Variants in IMMP2L observed in about 807,000 individuals in gnomAD.
The protein encoded by IMMP2L is inner mitochondrial membrane peptidase subunit 2.
In IMMP2L, 18 loss-of-function variants were observed where a neutral mutation model predicts 19.3. The ratio of observed to expected loss-of-function variants is 0.93; its 90% CI spans 0.64 to 1.38. The LOEUF (loss-of-function observed/expected upper bound fraction) is 1.38, where lower values mean the gene tolerates loss of function less well. Ranked by LOEUF, IMMP2L falls within the 40% of genes most tolerant of loss-of-function variation. The pLI is 0.00. For missense variants in IMMP2L, 233 were observed against 218.2 expected, an observed-to-expected ratio of 1.07 and a Z score of -0.43; for synonymous variants, 76 against 73.0, an observed-to-expected ratio of 1.04 and a Z score of -0.21.
At chr7:110,762,630 G>T (rs1376996499) in intron 5 of IMMP2L, among the ~76,000 whole-genome samples, 2 of 151,966 alleles carry the variant, frequency 1.3e-5, no homozygotes, top group Non-Finnish European at 2.9e-5. Context: ...AAGTAGCTTT[G>T]TCTGGGAGGG....
At chr7:110,903,328 T>C (rs1812104414) in intron 4 of IMMP2L, among the ~76,000 whole-genome samples, 1 of 152,204 alleles carries the variant, frequency 6.6e-6, no homozygotes, top group East Asian at 1.9e-4. Context: ...ATAGGTACAA[T>C]GTTATATGTC....
At chr7:110,985,016 A>G (rs1027319781) in intron 3 of IMMP2L, among the ~76,000 whole-genome samples, 3 of 152,106 alleles carry the variant, frequency 2.0e-5, no homozygotes, top group Admixed American at 1.3e-4. Context: ...AGAGTCAGAG[A>G]AAAAGATGAG....
chr7:111,434,213 A>G (rs1836905934), intron 3 of IMMP2L, among the ~76,000 whole-genome samples: 1 of 151,790 alleles, frequency 6.6e-6, no homozygotes, highest in South Asian at 2.1e-4. Context: ...TTTAATACAT[A>G]GTGCTGTGAA....
At chr7:111,230,066 G>A (rs1813554465) in intron 3 of IMMP2L, among the ~76,000 whole-genome samples, 1 of 152,028 alleles carries the variant, frequency 6.6e-6, no homozygotes, top group Admixed American at 6.6e-5. Context: ...TATAACCACA[G>A]AAGATCTCTT....
intron 5 of IMMP2L, among the ~76,000 whole-genome samples, chr7:110,703,976 G>C (rs112721398): frequency 0.057 from 8,718 of 151,842 alleles, 371 homozygotes; most frequent in African/African-American, 0.11. Context: ...CTCCCGAGTA[G>C]CTGGGACTAC....
chr7:110,742,612 C>G (rs1797057475), intron 5 of IMMP2L, among the ~76,000 whole-genome samples: 1 of 151,690 alleles, frequency 6.6e-6, no homozygotes, highest in African/African-American at 2.4e-5. Flanking sequence ...ACTAAAAATA[C>G]AAAAAATTGG....
At chr7:110,820,786 G>C (rs748101760) in intron 5 of IMMP2L, among the ~76,000 whole-genome samples, 1 of 152,004 alleles carries the variant, frequency 6.6e-6, no homozygotes, top group Non-Finnish European at 1.5e-5. Context: ...GGGGTGGTAG[G>C]AAGTACACCG....
At chr7:111,111,630 G>A (rs946396461) in intron 3 of IMMP2L, among the ~76,000 whole-genome samples, 5 of 151,826 alleles carry the variant, frequency 3.3e-5, no homozygotes, top group Admixed American at 2.6e-4. Flanking sequence ...AAGCTCTTAC[G>A]AACAGAAATA....
In IMMP2L at chr7:110,768,133, T is replaced by A. The variant is rs765064998; in HGVS notation, c.409-104412A>T. Among the ~76,000 whole-genome samples the A allele has an allele frequency of 4.4e-4, 67 of 152,106 alleles. 1 individual carries two copies. In the Middle Eastern group the frequency reaches 0.01, roughly 23 times the overall value. ...ATAAGAGAGCTTTACAGAAAGTGAC[T>A]TGGGATGCTGCTTTAATTCTACAGT... On this transcript the variant is annotated intron_variant, in intron 5 of 5. Coordinates refer to ENST00000405709, the MANE Select transcript of IMMP2L (RefSeq NM_032549.4).
At chr7:111,099,957 C>G (rs180785413) in intron 3 of IMMP2L, 1 of 151,518 alleles carries the variant, frequency 6.6e-6, no homozygotes, top group Non-Finnish European at 1.5e-5. Context: ...ACAGCCCGGA[C>G]CCTGGGTAAG....
intron 3 of IMMP2L, among the ~76,000 whole-genome samples, chr7:111,192,815 T>C (rs539973586): frequency 6.6e-6 from 1 of 152,182 alleles, no homozygotes; most frequent in Admixed American, 6.5e-5. Context: ...TTAAGCAGGA[T>C]AAAGGCAGAA....
intron 4 of IMMP2L, among the ~76,000 whole-genome samples, chr7:110,948,964 T>C (rs1817522230): frequency 6.6e-6 from 1 of 152,174 alleles, no homozygotes; most frequent in African/African-American, 2.4e-5. Flanking sequence ...CCAGGCTCTT[T>C]GGCATTTGCA....
At chr7:111,404,948 G>A (rs900730177) in intron 3 of IMMP2L, among the ~76,000 whole-genome samples, 1 of 152,026 alleles carries the variant, frequency 6.6e-6, no homozygotes, top group Admixed American at 6.6e-5. Flanking sequence ...CCTTGCATCT[G>A]TTACTTATAG....
chr7:111,020,029 C>A (rs1380414919), intron 3 of IMMP2L, among the ~76,000 whole-genome samples: 1 of 150,924 alleles, frequency 6.6e-6, no homozygotes, highest in Non-Finnish European at 1.5e-5. Flanking sequence ...TCAACAGACA[C>A]ATATTGAATG....
At chr7:111,087,828 C>A (rs559557062) in intron 3 of IMMP2L, among the ~76,000 whole-genome samples, 1 of 152,248 alleles carries the variant, frequency 6.6e-6, no homozygotes, top group African/African-American at 2.4e-5. Flanking sequence ...ATAACAATGA[C>A]CACTACCATA....
At chr7:111,519,410 A>G (rs1027395405) in intron 2 of IMMP2L, among the ~76,000 whole-genome samples, 4 of 152,180 alleles carry the variant, frequency 2.6e-5, no homozygotes, top group African/African-American at 9.6e-5. Context: ...AGCCAAGGAA[A>G]CTATACAATA....
intron 3 of IMMP2L, among the ~76,000 whole-genome samples, chr7:111,319,363 T>C (rs1332097523): frequency 6.6e-6 from 1 of 152,102 alleles, no homozygotes; most frequent in Non-Finnish European, 1.5e-5. Context: ...GTGCTACATA[T>C]TATAGATTTC....
chr7:111,151,603 A>C (rs1804079695), intron 3 of IMMP2L, among the ~76,000 whole-genome samples: 1 of 152,176 alleles, frequency 6.6e-6, no homozygotes. Context: ...GAAAAAACCA[A>C]ATGTAAAAAA....
intron 3 of IMMP2L, among the ~76,000 whole-genome samples, chr7:111,337,111 G>A (rs913594369): frequency 4.6e-5 from 7 of 151,728 alleles, no homozygotes; most frequent in Non-Finnish European, 1.0e-4. Context: ...AACTTTCTTG[G>A]TTCAGTAAGA....
Sources: allele counts gnomAD v4.1 joint callset (sites outside exome capture counted in the v4.1 genomes callset), GRCh38; gene constraint gnomAD v4.1.1; transcripts MANE v1.5; gene names NCBI Gene and HGNC (gene_info 2026-07-23, HGNC 2026-07-21).